The following OR1F1 variants were observed in gnomAD, a reference collection of about 807,000 sequenced individuals.
OR1F1 encodes olfactory receptor family 1 subfamily F member 1.
For synonymous variants in OR1F1, 184 were observed against 156.7 expected, an observed-to-expected ratio of 1.17 and a Z score of -1.30; for missense variants, 493 against 376.3, an observed-to-expected ratio of 1.31 and a Z score of -2.57.
chr16:3,198,103 A>AGGAGAGGGAGAGGGAGAG, the OR1F1 span, among the ~76,000 whole-genome samples: 11 of 46,226 alleles, frequency 2.4e-4, no homozygotes, highest in South Asian at 9.0e-4. Flanking sequence ...GAGAGGGAGA[A>AGGAGAGGGAGAGGGAGAG]GGAGAGGGAG....
chr16:3,198,263 A>T, the OR1F1 span, among the ~76,000 whole-genome samples: 1 of 152,128 alleles, frequency 6.6e-6, no homozygotes, highest in East Asian at 1.9e-4. Flanking sequence ...GAGACCCAGC[A>T]GAGCTGATGG....
At chr16:3,200,196 C>T (rs1285170977), upstream of OR1F1, among the ~76,000 whole-genome samples, 1 of 152,016 alleles carries the variant, frequency 6.6e-6, no homozygotes, top group Non-Finnish European at 1.5e-5. Flanking sequence ...TACTAGTAAG[C>T]CTGTTCTGGG....
the OR1F1 span, among the ~76,000 whole-genome samples, chr16:3,197,296 G>C: frequency 6.6e-6 from 1 of 152,052 alleles, no homozygotes; most frequent in Non-Finnish European, 1.5e-5. Flanking sequence ...TGGGATTACA[G>C]GTGTGAGCCA....
At chr16:3,205,279 C>T, downstream of OR1F1, 2 of 853,118 alleles carry the variant, frequency 2.3e-6, no homozygotes, top group Non-Finnish European at 3.7e-6. Flanking sequence ...GATGTTCTTG[C>T]TAGTGACACA....
chr16:3,188,524 G>A, the OR1F1 span: 1 of 152,244 alleles, frequency 6.6e-6, no homozygotes. Flanking sequence ...CGGAGAAGGG[G>A]AGAATACCGG....
At chr16:3,203,955 T>C (rs1958167472), upstream of OR1F1, among the ~76,000 whole-genome samples, 1 of 152,066 alleles carries the variant, frequency 6.6e-6, no homozygotes, top group South Asian at 2.1e-4. Flanking sequence ...TCCTGAACTG[T>C]GGGGAACACA....
chr16:3,188,720 C>A, the OR1F1 span, among the ~76,000 whole-genome samples: 44 of 152,162 alleles, frequency 2.9e-4, no homozygotes, highest in African/African-American at 9.6e-4. Context: ...GGACAGGGAG[C>A]CCCTTTTAGC....
upstream of OR1F1, among the ~76,000 whole-genome samples, chr16:3,199,474 G>A (rs1958111794): frequency 6.6e-6 from 1 of 152,046 alleles, no homozygotes; most frequent in African/African-American, 2.4e-5. Flanking sequence ...GCAACATAAT[G>A]AGACATCATC....
At chr16:3,198,291 G>A in the OR1F1 span, among the ~76,000 whole-genome samples, 1 of 152,132 alleles carries the variant, frequency 6.6e-6, no homozygotes, top group African/African-American at 2.4e-5. Flanking sequence ...CTAATCCGGA[G>A]GCTAGCAGGC....
At chr16:3,204,533 G>T (rs759679524) in exon 1 of OR1F1, 3 of 1,614,138 alleles carry the variant, frequency 1.9e-6, no homozygotes, top group Non-Finnish European at 2.5e-6. Context: ...TCCTTCTGTG[G>T]CTGTCTCACA....
chr16:3,203,974 G>C (rs575869566), upstream of OR1F1, among the ~76,000 whole-genome samples: 1 of 152,250 alleles, frequency 6.6e-6, no homozygotes, highest in African/African-American at 2.4e-5. Context: ...CAAACTGACT[G>C]AGTTTCTGCC....
At chr16:3,190,612 A>T in the OR1F1 span, among the ~76,000 whole-genome samples, 1 of 152,074 alleles carries the variant, frequency 6.6e-6, no homozygotes, top group Non-Finnish European at 1.5e-5. Flanking sequence ...TTAGTCGGTC[A>T]TGGTGGCGGG....
In OR1F1 at chr16:3,204,593, C is replaced by A. The variant is rs765515578; in HGVS notation, c.347C>A (p.Ala116Asp). 7.4e-6 allele frequency: 12 copies of A among 1,614,088 alleles called. No homozygotes were observed. In the African/African-American group the frequency reaches 1.3e-4, roughly 18 times the overall value. ...GTGGACATGGACAATTTCCTCCTAG[C>A]TGTGATGGCCTATGACCACTTTGTC... The change falls in exon 1 of 1, where the codon GCT (alanine) becomes GAT (aspartate). Residue 116 changes from alanine (A) to aspartate (D), a missense_variant. Transcript: ENST00000304646.
the OR1F1 span, among the ~76,000 whole-genome samples, chr16:3,191,037 G>A: frequency 4.6e-5 from 7 of 152,170 alleles, 1 homozygote; most frequent in Non-Finnish European, 1.0e-4. Context: ...GTAGGTTACA[G>A]TGCGGAGCGA....
the OR1F1 span, among the ~76,000 whole-genome samples, chr16:3,192,295 C>A: frequency 6.6e-6 from 1 of 152,148 alleles, no homozygotes; most frequent in Non-Finnish European, 1.5e-5. Flanking sequence ...CCTCGTGATC[C>A]GCCCGCCTCG....
upstream of OR1F1, among the ~76,000 whole-genome samples, chr16:3,203,161 C>A (rs9924466): frequency 6.6e-6 from 1 of 152,112 alleles, no homozygotes; most frequent in Admixed American, 6.6e-5. Flanking sequence ...TCGTCAGTGT[C>A]GGACACAAAA....
chr16:3,196,963 G>A, the OR1F1 span, among the ~76,000 whole-genome samples: 14 of 152,100 alleles, frequency 9.2e-5, no homozygotes, highest in South Asian at 2.1e-4. Context: ...TGCAACCTCC[G>A]CCTGCCGGCT....
upstream of OR1F1, among the ~76,000 whole-genome samples, chr16:3,200,577 G>A (rs932951347): frequency 6.6e-6 from 1 of 152,232 alleles, no homozygotes; most frequent in Admixed American, 6.5e-5. Context: ...TAGCCTGGGC[G>A]ACAGAGCAAG....
chr16:3,188,277 G>A, the OR1F1 span: 20 of 151,956 alleles, frequency 1.3e-4, 1 homozygote. Flanking sequence ...CGGGGTCCCG[G>A]GACGCAGACG....
Sources: allele counts gnomAD v4.1 joint callset (sites outside exome capture counted in the v4.1 genomes callset), GRCh38; gene constraint gnomAD v4.1.1; transcripts MANE v1.5; gene names NCBI Gene and HGNC (gene_info 2026-07-23, HGNC 2026-07-21).